Variants in ANAPC10 observed in about 807,000 individuals in gnomAD.
ANAPC10 encodes anaphase-promoting complex subunit 10.
ANAPC10 carries 12 observed loss-of-function variants against 22.0 expected under a neutral mutation model. That is an observed-to-expected ratio of 0.55 (90% CI 0.35 to 0.88). ANAPC10 has a LOEUF of 0.88. Among genes scored for constraint, ANAPC10 ranks in the 40% least tolerant of loss-of-function variants. The pLI, the probability that ANAPC10 is intolerant of heterozygous loss-of-function variation, is 0.01. For missense variants in ANAPC10, 188 were observed against 220.9 expected, an observed-to-expected ratio of 0.85 and a Z score of 0.94; for synonymous variants, 65 against 69.5, an observed-to-expected ratio of 0.94 and a Z score of 0.32.
chr4:145,056,413 T>C (rs1742082090), intron 4 of ANAPC10, among the ~76,000 whole-genome samples: 1 of 152,136 alleles, frequency 6.6e-6, no homozygotes, highest in Admixed American at 6.5e-5. Flanking sequence ...GAAATAACCA[T>C]AAAGATGGGC....
At chr4:145,008,239 A>C (rs1484564498) in intron 4 of ANAPC10, among the ~76,000 whole-genome samples, 18 of 152,102 alleles carry the variant, frequency 1.2e-4, no homozygotes, top group Admixed American at 1.2e-3. Context: ...GGATTCACAG[A>C]CAAATTCTAC....
chr4:145,070,184 G>A (rs1287071588), intron 3 of ANAPC10, among the ~76,000 whole-genome samples: 1 of 152,082 alleles, frequency 6.6e-6, no homozygotes, highest in Non-Finnish European at 1.5e-5. Context: ...AATGTGGACC[G>A]CCACCTATTT....
intron 4 of ANAPC10, among the ~76,000 whole-genome samples, chr4:144,996,249 C>A (rs1335986987): frequency 6.6e-6 from 1 of 152,210 alleles, no homozygotes; most frequent in East Asian, 1.9e-4. Context: ...ACTCTACCAA[C>A]TAGGGCCTTG....
chr4:145,014,810 T>C (rs766544071), intron 4 of ANAPC10, among the ~76,000 whole-genome samples: 17 of 152,156 alleles, frequency 1.1e-4, no homozygotes, highest in Non-Finnish European at 2.4e-4. Flanking sequence ...GTAGACTTGC[T>C]GGATGGCCAG....
intron 3 of ANAPC10, among the ~76,000 whole-genome samples, chr4:145,070,628 G>A (rs1744357072): frequency 6.6e-6 from 1 of 152,176 alleles, no homozygotes; most frequent in South Asian, 2.1e-4. Context: ...ATATGATCCA[G>A]CAATTCCACC....
chr4:145,067,525 G>T (rs1462526998), intron 3 of ANAPC10, among the ~76,000 whole-genome samples: 1 of 152,124 alleles, frequency 6.6e-6, no homozygotes, highest in Non-Finnish European at 1.5e-5. Context: ...TTTAATAGAG[G>T]CACATGCTAC....
intron 4 of ANAPC10, chr4:145,053,904 C>CTGTG (rs552174954): frequency 2.1e-6 from 1 of 465,962 alleles, no homozygotes; most frequent in East Asian, 3.4e-5. Context: ...CTGATTACTA[C>CTGTG]TGTGTGTGTG....
At chr4:145,038,033 C>G (rs1738868413) in intron 4 of ANAPC10, among the ~76,000 whole-genome samples, 1 of 151,536 alleles carries the variant, frequency 6.6e-6, no homozygotes. Flanking sequence ...AACAATGAAG[C>G]CTTTAAAAGG....
At chr4:145,080,364 T>C (rs745766585) in intron 3 of ANAPC10, among the ~76,000 whole-genome samples, 6 of 151,918 alleles carry the variant, frequency 3.9e-5, no homozygotes, top group Non-Finnish European at 8.8e-5. Context: ...AGAAGGAAAA[T>C]AAATAAATCC....
chr4:145,053,557 T>C, intron 4 of ANAPC10: 1 of 410,280 alleles, frequency 2.4e-6, no homozygotes, highest in Non-Finnish European at 4.3e-6. Flanking sequence ...TAAGCTACGG[T>C]TTCTGTTTTG....
intron 4 of ANAPC10, among the ~76,000 whole-genome samples, chr4:145,002,582 G>T (rs1042771280): frequency 6.6e-6 from 1 of 151,938 alleles, no homozygotes; most frequent in African/African-American, 2.4e-5. Context: ...CATAACAAAA[G>T]AACAACTAGA....
chr4:145,064,403 GAACA>G (rs1743370076), intron 4 of ANAPC10, 165 bp downstream of exon 4: 1 of 442,354 alleles, frequency 2.3e-6, no homozygotes, highest in African/African-American at 2.0e-5. Flanking sequence ...AAAATAAAGA[GAACA>G]ATCAGAATTC....
chr4:145,096,471 G>A (rs1474776694), intron 1 of ANAPC10, among the ~76,000 whole-genome samples: 19 of 152,132 alleles, frequency 1.2e-4, no homozygotes, highest in Admixed American at 1.2e-3. Flanking sequence ...AGCTATAGTA[G>A]TCAAAAGAGC....
intron 2 of ANAPC10, among the ~76,000 whole-genome samples, chr4:145,082,263 C>T (rs1432879953): frequency 6.6e-6 from 1 of 152,246 alleles, no homozygotes; most frequent in Non-Finnish European, 1.5e-5. Flanking sequence ...GATTCTCCTG[C>T]CTCAGCCTCC....
chr4:145,049,724 T>G (rs971249433), intron 4 of ANAPC10, among the ~76,000 whole-genome samples: 1 of 152,092 alleles, frequency 6.6e-6, no homozygotes, highest in Non-Finnish European at 1.5e-5. Flanking sequence ...GGACTACAGA[T>G]GTGCATCACC....
At chr4:145,003,321 T>G (rs1265751702) in intron 4 of ANAPC10, among the ~76,000 whole-genome samples, 3 of 152,192 alleles carry the variant, frequency 2.0e-5, no homozygotes, top group Non-Finnish European at 4.4e-5. Context: ...ATGTCTTTAC[T>G]ATTAGCTGCA....
chr4:145,004,789 T>C (rs965741066), intron 4 of ANAPC10, among the ~76,000 whole-genome samples: 2 of 152,158 alleles, frequency 1.3e-5, no homozygotes, highest in Non-Finnish European at 2.9e-5. Context: ...TCATGAAGGA[T>C]ATTGGCCTGA....
At chr4:145,030,236 A>G (rs1163975855) in intron 4 of ANAPC10, among the ~76,000 whole-genome samples, 2 of 152,252 alleles carry the variant, frequency 1.3e-5, no homozygotes, top group Non-Finnish European at 2.9e-5. Flanking sequence ...CTGAATTATA[A>G]AAACAGAGAA....
At chr4:145,026,148 T>C (rs879368655) in intron 4 of ANAPC10, among the ~76,000 whole-genome samples, 4 of 152,200 alleles carry the variant, frequency 2.6e-5, no homozygotes, top group Non-Finnish European at 5.9e-5. Flanking sequence ...CCTTGCCACG[T>C]GCCCCAGGCC....
Sources: gnomAD v4.1 joint callset for allele counts (sites outside exome capture counted in the v4.1 genomes callset) on GRCh38, gnomAD v4.1.1 for gene constraint, MANE v1.5 for transcripts, NCBI Gene and HGNC (gene_info 2026-07-23, HGNC 2026-07-21) for gene names.